Variants in COL5A2 observed in about 807,000 individuals in gnomAD.
The protein encoded by COL5A2 is collagen type V alpha 2 chain.
A neutral mutation model predicts 208.2 loss-of-function variants in COL5A2; 23 were observed. The observed-to-expected ratio is 0.11, with a 90% confidence interval of 0.08 to 0.16. The LOEUF is 0.16. Ranked by LOEUF, COL5A2 falls within the 10% of genes least tolerant of loss-of-function variation. The probability of loss-of-function intolerance (pLI) is 1.00; values close to 1 mark genes in which losing one functional copy is unlikely to be tolerated. For synonymous variants in COL5A2, 625 were observed against 628.5 expected (o/e 0.99, Z 0.08); for missense variants, 1,590 against 1,956.4 (o/e 0.81, Z 3.53).
chr2:189,182,790 C>T (rs1688798116), upstream of COL5A2, among the ~76,000 whole-genome samples: 2 of 152,112 alleles, frequency 1.3e-5, no homozygotes, highest in Admixed American at 6.6e-5. Context: ...GAGCTTGATG[C>T]ATGACACACA....
chr2:189,407,977 T>C, the COL5A2 span, among the ~76,000 whole-genome samples: 1 of 152,180 alleles, frequency 6.6e-6, no homozygotes, highest in Non-Finnish European at 1.5e-5. Context: ...TTACTGAGGA[T>C]GCAATATTTT....
At chr2:189,170,034 A>T (rs1433926210) in intron 1 of COL5A2, among the ~76,000 whole-genome samples, 1 of 152,190 alleles carries the variant, frequency 6.6e-6, no homozygotes, top group African/African-American at 2.4e-5. Flanking sequence ...ATTAAATAGT[A>T]ATCTAATAAT....
the COL5A2 span, among the ~76,000 whole-genome samples, chr2:189,373,929 C>A: frequency 6.6e-6 from 1 of 152,122 alleles, no homozygotes; most frequent in African/African-American, 2.4e-5. Context: ...CTTTCACGTA[C>A]CTATTTTGAA....
intron 1 of COL5A2, among the ~76,000 whole-genome samples, chr2:189,154,713 C>T (rs554249123): frequency 2.0e-5 from 3 of 152,232 alleles, no homozygotes; most frequent in East Asian, 3.9e-4. Flanking sequence ...CTTCCCACCT[C>T]GGCCACCCAA....
At chr2:189,128,847 A>G (rs2105749529) in intron 1 of COL5A2, among the ~76,000 whole-genome samples, 1 of 152,132 alleles carries the variant, frequency 6.6e-6, no homozygotes, top group East Asian at 1.9e-4. Flanking sequence ...TAACAGAGAA[A>G]AGCTAAATGG....
At chr2:189,401,999 A>T in the COL5A2 span, among the ~76,000 whole-genome samples, 2 of 152,126 alleles carry the variant, frequency 1.3e-5, no homozygotes, top group African/African-American at 4.8e-5. Context: ...CAAAAAAAAA[A>T]TTCCCATTCT....
intron 45 of COL5A2, among the ~76,000 whole-genome samples, chr2:189,047,679 C>A (rs181526882): frequency 6.6e-6 from 1 of 152,286 alleles, no homozygotes; most frequent in African/African-American, 2.4e-5. Flanking sequence ...ATTTTGCCTT[C>A]AGTGGCCCAT....
intron 1 of COL5A2, among the ~76,000 whole-genome samples, chr2:189,217,470 T>C (rs1166132563): frequency 6.6e-6 from 1 of 152,154 alleles, no homozygotes; most frequent in Non-Finnish European, 1.5e-5. Context: ...AGAAGCTGAA[T>C]TGGGGAAACA....
At chr2:189,246,974 A>T in the COL5A2 span, among the ~76,000 whole-genome samples, 1 of 152,234 alleles carries the variant, frequency 6.6e-6, no homozygotes, top group African/African-American at 2.4e-5. Flanking sequence ...GAATTTTAAA[A>T]TTTAAAGAGC....
chr2:189,245,771 T>C, the COL5A2 span, among the ~76,000 whole-genome samples: 2 of 152,172 alleles, frequency 1.3e-5, no homozygotes, highest in Admixed American at 6.5e-5. Context: ...AACTGCAATA[T>C]GGTCAAGGGA....
the COL5A2 span, among the ~76,000 whole-genome samples, chr2:189,358,001 T>C: frequency 6.6e-6 from 1 of 151,964 alleles, no homozygotes; most frequent in Non-Finnish European, 1.5e-5. Context: ...CCCTTGCACC[T>C]CCCAGGTGAG....
chr2:189,183,292 T>G (rs1195691148), upstream of COL5A2, among the ~76,000 whole-genome samples: 4 of 152,322 alleles, frequency 2.6e-5, no homozygotes, highest in East Asian at 3.9e-4. Context: ...ACTCCTTTTA[T>G]GCCTCCTGCT....
chr2:189,303,563 G>C, the COL5A2 span, among the ~76,000 whole-genome samples: 1 of 152,144 alleles, frequency 6.6e-6, no homozygotes. Flanking sequence ...TATGGCCTGA[G>C]AAGGACTCTG....
chr2:189,047,258 A>G (rs1475642162), intron 45 of COL5A2, among the ~76,000 whole-genome samples: 2 of 152,246 alleles, frequency 1.3e-5, no homozygotes, highest in African/African-American at 4.8e-5. Context: ...ACCGATTTTC[A>G]TAATTACTTC....
intron 1 of COL5A2, among the ~76,000 whole-genome samples, chr2:189,166,621 A>G (rs1047253419): frequency 1.3e-5 from 2 of 152,306 alleles, no homozygotes; most frequent in Non-Finnish European, 2.9e-5. Context: ...TAATTTTAAC[A>G]TTTGGATTGT....
chr2:189,337,429 G>A, the COL5A2 span, among the ~76,000 whole-genome samples: 2 of 151,866 alleles, frequency 1.3e-5, no homozygotes, highest in Non-Finnish European at 2.9e-5. Context: ...TGATCCGCCC[G>A]CCTCGGCCTC....
intron 1 of COL5A2, among the ~76,000 whole-genome samples, chr2:189,166,291 A>T (rs116163839): frequency 1.7e-3 from 254 of 152,026 alleles, no homozygotes; most frequent in African/African-American, 5.7e-3. Context: ...CCCAGGTGTG[A>T]CTTGAAACTT....
chr2:189,097,789 A>G (rs1686951875), intron 5 of COL5A2: 1 of 424,644 alleles, frequency 2.4e-6, no homozygotes, highest in Admixed American at 2.6e-5. Flanking sequence ...CAAAATGTTC[A>G]TCACTGTTCA....
chr2:189,073,329 G>C (rs1336995050), intron 17 of COL5A2, among the ~76,000 whole-genome samples: 3 of 152,036 alleles, frequency 2.0e-5, no homozygotes, highest in African/African-American at 7.3e-5. Flanking sequence ...AGCATTTTCA[G>C]TAACAACTTT....
Sources: allele counts gnomAD v4.1 joint callset (sites outside exome capture counted in the v4.1 genomes callset), GRCh38; gene constraint gnomAD v4.1.1; transcripts MANE v1.5; gene names NCBI Gene and HGNC (gene_info 2026-07-23, HGNC 2026-07-21).